Variants in ASXL3 observed in about 807,000 individuals in gnomAD.
ASXL3 encodes the protein ASXL transcriptional regulator 3.
In ASXL3, 34 loss-of-function variants were observed where a neutral mutation model predicts 170.6. That is an observed-to-expected ratio of 0.20 (90% CI 0.15 to 0.27). The LOEUF (loss-of-function observed/expected upper bound fraction) is 0.27, where lower values mean the gene tolerates loss of function less well. ASXL3 is among the 10% of genes least tolerant of loss of function. ASXL3 has a pLI of 1.00. For synonymous variants in ASXL3, 1,002 were observed against 989.1 expected (o/e 1.01, Z -0.24); for missense variants, 2,592 against 2,695.3 (o/e 0.96, Z 0.85).
chr18:33,722,019 C>T (rs187214358), intron 8 of ASXL3, among the ~76,000 whole-genome samples: 12 of 151,990 alleles, frequency 7.9e-5, no homozygotes, highest in South Asian at 2.1e-4. Flanking sequence ...TTTACTATCG[C>T]ATTTGTTTTG....
At chr18:33,660,489 T>A (rs2066155061) in intron 4 of ASXL3, among the ~76,000 whole-genome samples, 1 of 152,158 alleles carries the variant, frequency 6.6e-6, no homozygotes, top group Non-Finnish European at 1.5e-5. Context: ...CTTCTTCACC[T>A]TCTTTTAAAA....
In ASXL3 at chr18:33,739,862, C is replaced by T. The variant is rs2067626043; in HGVS notation, c.2458C>T (p.Pro820Ser). ...PIIMSSSSIA[P>S]EAFPSEDLHN... The stretch of plus-strand genomic sequence containing the variant: ...CATAATGAGTTCTTCTTCCATTGCT[C>T]CTGAAGCATTTCCGTCTGAAGATTT... Residue 820 changes from proline to serine, a missense_variant, in exon 11 of 12, where the codon CCT becomes TCT. By Grantham distance (74) the Pro-to-Ser change is moderately conservative. Around this residue, in one of 4 missense-constraint regions of ASXL3, gnomAD observed 2,246 missense variants for 2,219.6 expected, o/e 1.01. Transcript: ENST00000269197. 1 of 1,613,764 alleles carries T rather than the reference C, an allele frequency of 6.2e-7. No homozygotes were observed. Among genetic ancestry groups the T allele is most frequent in the African/African-American group, 1.3e-5 (1 of 74,900 alleles).
In ASXL3 at chr18:33,745,675, C is replaced by T. The variant is rs1323570694; in HGVS notation, c.5827C>T (p.Pro1943Ser). The T allele has an allele frequency of 1.9e-6, 3 of 1,613,996 alleles. No individual in the cohort carries two copies. Among genetic ancestry groups the T allele is most frequent in the Non-Finnish European group, 2.5e-6 (3 of 1,179,898 alleles). Reference sequence around the variant, plus strand: ...GCCTGTGGCTGCCAGGGGCCCCATTCCTACTGCAGCTCTGTTACAGGCCTC... The same window carrying T: ...GCCTGTGGCTGCCAGGGGCCCCATTTCTACTGCAGCTCTGTTACAGGCCTC... ...QMPVAARGPI[P>S]TAALLQASSK... The change falls in exon 12 of 12, where the codon CCT becomes TCT. Residue 1943 changes from proline to serine, a missense_variant. This residue lies in a region of ASXL3 where 2,246 missense variants were observed against 2,219.6 expected (regional missense o/e 1.01). Transcript: ENST00000269197.
At chr18:33,628,983 G>A (rs1191893039) in intron 2 of ASXL3, among the ~76,000 whole-genome samples, 2 of 152,106 alleles carry the variant, frequency 1.3e-5, no homozygotes, top group Non-Finnish European at 2.9e-5. Context: ...AGTCAGAGAG[G>A]ATGTTGTTTC....
intron 8 of ASXL3, among the ~76,000 whole-genome samples, chr18:33,712,115 C>T (rs1303548520): frequency 2.0e-5 from 3 of 152,002 alleles, no homozygotes; most frequent in African/African-American, 7.2e-5. Flanking sequence ...GTTGATGCTC[C>T]AGTTGCTATT....
intron 10 of ASXL3, among the ~76,000 whole-genome samples, chr18:33,737,098 A>G (rs1397246770): frequency 4.6e-5 from 7 of 152,236 alleles, no homozygotes; most frequent in African/African-American, 1.7e-4. Context: ...TGATACTCTC[A>G]GTATAGTATA....
intron 1 of ASXL3, among the ~76,000 whole-genome samples, chr18:33,585,297 G>A (rs947505144): frequency 2.0e-5 from 3 of 151,992 alleles, no homozygotes; most frequent in Non-Finnish European, 4.4e-5. Flanking sequence ...TGATTGTTCT[G>A]CTTTTGTCCC....
intron 4 of ASXL3, among the ~76,000 whole-genome samples, chr18:33,661,057 CTTGAA>C (rs1338377386): frequency 2.6e-5 from 4 of 152,246 alleles, no homozygotes; most frequent in Non-Finnish European, 4.4e-5. Context: ...AAATAATTAT[CTTGAA>C]TTGATAACAA....
Position 33,747,742 on chromosome 18 carries a change from GA to G in ASXL3, c.*1154del, listed in dbSNP as rs1407106845. On this transcript the variant is annotated 3_prime_UTR_variant, in exon 12 of 12. Transcript: ENST00000269197. ...TCAACTTTGAAATAACCCTTATTTTGAAAAAAACTGTTCTAGGTATGGCATG... is the reference window on the plus strand; with the variant it reads ...TCAACTTTGAAATAACCCTTATTTTGAAAAAACTGTTCTAGGTATGGCATG... 4 of 151,910 alleles carry G rather than the reference GA, an allele frequency of 2.6e-5. No homozygotes were observed. The East Asian group carries it at 7.7e-4, about 29-fold the overall frequency. 9.4% of individuals were successfully genotyped at this position (151,910 alleles called of 1,614,324 possible).
At chr18:33,673,572 G>A (rs1599476660) in intron 7 of ASXL3, among the ~76,000 whole-genome samples, 1 of 151,970 alleles carries the variant, frequency 6.6e-6, no homozygotes, top group East Asian at 1.9e-4. Flanking sequence ...TACCATGTTG[G>A]CCAGGCTGGT....
chr18:33,724,791 A>T (rs533939007), intron 8 of ASXL3, among the ~76,000 whole-genome samples: 12 of 152,230 alleles, frequency 7.9e-5, no homozygotes, highest in African/African-American at 2.9e-4. Context: ...CTATTTTGCA[A>T]AACACAATTT....
chr18:33,732,204 G>GA, intron 9 of ASXL3, 140 bp downstream of exon 9: 1 of 472,070 alleles, frequency 2.1e-6, no homozygotes, highest in Non-Finnish European at 3.6e-6. Flanking sequence ...CTTTCCAAAT[G>GA]AGTTCACTGA....
Position 33,746,838 on chromosome 18 carries a change from T to A in ASXL3, c.*243T>A, listed in dbSNP as rs965771388. ...GCCATTCCTAGCTTTGGAAAGTTTC[T>A]ATCTGTCCATGTGTATACAAGTCAA... is the stretch of plus-strand genomic sequence containing the variant. On this transcript the variant is annotated 3_prime_UTR_variant, in exon 12 of 12. Coordinates refer to ENST00000269197, the MANE Select transcript of ASXL3 (RefSeq NM_030632.3). 7 of 557,236 alleles carry A rather than the reference T, an allele frequency of 1.3e-5. No individual in the cohort carries two copies. In the African/African-American group the frequency reaches 1.3e-4, roughly 10 times the overall value. The allele number at this position is 557,236 out of a possible 1,614,324, so 34.5% of individuals were successfully genotyped here.
At chr18:33,652,276 C>G (rs1299145420) in intron 4 of ASXL3, among the ~76,000 whole-genome samples, 1 of 151,948 alleles carries the variant, frequency 6.6e-6, no homozygotes, top group Non-Finnish European at 1.5e-5. Context: ...TAAGTTGACT[C>G]ACAATGTGTT....
chr18:33,677,319 T>C (rs959840926), intron 7 of ASXL3, among the ~76,000 whole-genome samples: 1 of 152,168 alleles, frequency 6.6e-6, no homozygotes, highest in Non-Finnish European at 1.5e-5. Context: ...TCCAGTGCAT[T>C]ATAAACATTA....
chr18:33,668,344 C>T (rs1218971510), intron 5 of ASXL3, among the ~76,000 whole-genome samples: 2 of 151,116 alleles, frequency 1.3e-5, no homozygotes, highest in Admixed American at 1.3e-4. Flanking sequence ...GGGAGGATTG[C>T]TTGAACCCAG....
rs137933184 is a variant in ASXL3 at position 33,682,390 on chromosome 18, G to A, written c.716-1015G>A. Among the ~76,000 whole-genome samples, 201 of 152,232 alleles carry A rather than the reference G, an allele frequency of 1.3e-3. 2 individuals carry two copies. Among genetic ancestry groups the A allele is most frequent in the African/African-American group, 4.6e-3 (193 of 41,548 alleles). On this transcript the variant is annotated intron_variant, in intron 7 of 11. Coordinates refer to ENST00000269197, the MANE Select transcript of ASXL3 (RefSeq NM_030632.3). The stretch of plus-strand genomic sequence containing the variant: ...GGTAATTCTTCTGTCTGTGTTTGAT[G>A]CATCAGTTGACTGTCCCTTATGGTA...
rs147498468 is a variant in ASXL3, at chr18:33,729,719, CTCA to C, written c.880-2243_880-2241del. Among the ~76,000 whole-genome samples, 21 of 152,208 alleles carry C rather than the reference CTCA, an allele frequency of 1.4e-4. No homozygotes were observed. The East Asian group carries it at 4.1e-3, about 29-fold the overall frequency. On this transcript the variant is annotated intron_variant, in intron 8 of 11. Coordinates refer to ENST00000269197, the MANE Select transcript of ASXL3 (RefSeq NM_030632.3). Reference sequence around the variant, plus strand: ...CAAGCTGGTTTTAAGGATGTTGTAGCTCATCATCTCCCTCCTTCATTACTCATT... The same window carrying C: ...CAAGCTGGTTTTAAGGATGTTGTAGCTCATCTCCCTCCTTCATTACTCATT...
rs376654969 is a variant in ASXL3, at chr18:33,601,785, G to GTTTATATA, written c.55-5808_55-5807insTTATATAT. 4.8e-5 allele frequency among the ~76,000 whole-genome samples: 5 copies of GTTTATATA among 103,942 alleles called. 1 individual carries two copies. The highest frequency in any genetic ancestry group is 1.7e-4 in the African/African-American group (5 of 28,848). 68.2% of individuals were successfully genotyped at this position (103,942 alleles called of 152,430 possible). A position where few individuals can be genotyped will look rare whatever the true frequency, so the allele number is the denominator to read the frequency against. ...TGAGAATTTAAGTAAATATCTGATT[G>GTTTATATA]TATATATATAGTTTGTTTGTTTTGA... On this transcript the variant is annotated intron_variant, in intron 1 of 11. Coordinates refer to ENST00000269197, the MANE Select transcript of ASXL3 (RefSeq NM_030632.3).
Sources: allele counts gnomAD v4.1 joint callset (sites outside exome capture counted in the v4.1 genomes callset), GRCh38; gene constraint gnomAD v4.1.1; regional missense constraint gnomAD v4.1.1; transcripts MANE v1.5; gene names NCBI Gene and HGNC (gene_info 2026-07-23, HGNC 2026-07-21).